Variants in PZP observed in about 807,000 individuals in gnomAD.
The protein encoded by PZP is pregnancy zone protein.
PZP carries 150 observed loss-of-function variants against 179.8 expected under a neutral mutation model. That is an observed-to-expected ratio of 0.83 (90% CI 0.73 to 0.96). PZP has a LOEUF of 0.96. PZP is among the 40% of genes least tolerant of loss of function. The pLI, the probability that PZP is intolerant of heterozygous loss-of-function variation, is 0.00. For missense variants in PZP, 1,689 were observed against 1,764.0 expected (o/e 0.96, Z 0.76); for synonymous variants, 624 against 652.3 (o/e 0.96, Z 0.66).
rs759204698 is a variant in PZP at position 9,193,877 on chromosome 12, GAAA to G, written c.1254+197_1254+199del. Among the ~76,000 whole-genome samples, 172 of 152,276 alleles carry G rather than the reference GAAA, an allele frequency of 1.1e-3. 4 individuals carry two copies. The East Asian group carries it at 0.021, about 19-fold the overall frequency. On this transcript the variant is annotated intron_variant, in intron 11 of 35. Coordinates refer to ENST00000261336, the MANE Select transcript of PZP (RefSeq NM_002864.3). ...ATAAAATGTTACAGATAATGATAGT[GAAA>G]TTATCAGGCACTTCTGCAGTGCCTT...
intron 1 of PZP, among the ~76,000 whole-genome samples, chr12:9,204,454 C>T (rs996800873): frequency 6.6e-6 from 1 of 152,134 alleles, no homozygotes; most frequent in African/African-American, 2.4e-5. Flanking sequence ...CTTCAGTAAG[C>T]ATATATCATT....
chr12:9,179,673 G>C (rs1942630936), intron 15 of PZP, among the ~76,000 whole-genome samples: 1 of 152,174 alleles, frequency 6.6e-6, no homozygotes, highest in African/African-American at 2.4e-5. Context: ...TTTGTAGCAA[G>C]CTTACCTACT....
intron 5 of PZP, 118 bp downstream of exon 5, chr12:9,201,209 G>A: frequency 7.5e-7 from 1 of 1,325,832 alleles, no homozygotes; most frequent in Non-Finnish European, 1.1e-6. Flanking sequence ...ACAACTGGGA[G>A]TAGGAGGAAT....
At chr12:9,206,414 G>C (rs747000684) in intron 1 of PZP, among the ~76,000 whole-genome samples, 2 of 152,064 alleles carry the variant, frequency 1.3e-5, no homozygotes, top group African/African-American at 4.8e-5. Flanking sequence ...AACAAATCCA[G>C]GTTGACAAAC....
At chr12:9,156,135 T>G in intron 28 of PZP, 1 of 219,884 alleles carries the variant, frequency 4.5e-6, no homozygotes. Flanking sequence ...GTTCTTTAAG[T>G]TTGTCTTTGA....
At chr12:9,193,781 A>G (rs1279711035) in intron 11 of PZP, among the ~76,000 whole-genome samples, 4 of 152,172 alleles carry the variant, frequency 2.6e-5, no homozygotes, top group African/African-American at 7.2e-5. Context: ...AACATAAAAC[A>G]AAGTACATGA....
chr12:9,162,439 C>A lies in PZP; in HGVS notation c.2788+158G>T, dbSNP rs754752347. On this transcript the variant is annotated intron_variant, in intron 22 of 35. Coordinates refer to ENST00000261336, the MANE Select transcript of PZP (RefSeq NM_002864.3). ...TAACTTGCTCTCTTGGGCTCAATGT[C>A]TTCATCTGTAAAACATACATAAAGA... 9 of 610,824 alleles carry A rather than the reference C, an allele frequency of 1.5e-5. No homozygotes were observed. The East Asian group carries it at 2.3e-4, about 16-fold the overall frequency. 37.8% of individuals were successfully genotyped at this position (610,824 alleles called of 1,614,324 possible). A position where few individuals can be genotyped will look rare whatever the true frequency, so the allele number is the denominator to read the frequency against.
intron 15 of PZP, among the ~76,000 whole-genome samples, chr12:9,180,164 AG>A (rs1189302156): frequency 6.6e-6 from 1 of 152,186 alleles, no homozygotes; most frequent in African/African-American, 2.4e-5. Flanking sequence ...TTTAAGTTTT[AG>A]GGTACATGTG....
At chr12:9,195,385 C>A (rs1287478178) in intron 10 of PZP, among the ~76,000 whole-genome samples, 1 of 151,768 alleles carries the variant, frequency 6.6e-6, no homozygotes, top group Non-Finnish European at 1.5e-5. Flanking sequence ...TTTCCCTTCC[C>A]CTTCCCCTGG....
chr12:9,157,508 G>A (rs1373525070), intron 27 of PZP, among the ~76,000 whole-genome samples, 153 bp from the exon 28 acceptor site: 2 of 152,130 alleles, frequency 1.3e-5, no homozygotes, highest in Admixed American at 6.5e-5. Context: ...AAAATATTTC[G>A]ATCTCTTCCC....
chr12:9,145,087 A>C (rs1325549252), downstream of PZP, among the ~76,000 whole-genome samples: 1 of 152,190 alleles, frequency 6.6e-6, no homozygotes, highest in Non-Finnish European at 1.5e-5. Flanking sequence ...AGTACCTTGT[A>C]TATAGAATAT....
chr12:9,186,517 A>G lies in PZP; in HGVS notation c.1547-4400T>C, dbSNP rs747022789. The stretch of plus-strand genomic sequence containing the variant: ...GCCGTCTTTAAGAGACCCATCTCAC[A>G]TGCAATGACACTGATAGGCTCGAGA... On this transcript the variant is annotated intron_variant, in intron 13 of 35. Transcript: ENST00000261336. Among the ~76,000 whole-genome samples, 14 of 152,324 alleles carry G rather than the reference A, an allele frequency of 9.2e-5. No individual in the cohort carries two copies. The South Asian group carries it at 2.5e-3, about 27-fold the overall frequency.
intron 30 of PZP, 49 bp downstream of exon 30, chr12:9,153,076 A>G (rs1428353455): frequency 1.9e-6 from 3 of 1,607,512 alleles, no homozygotes; most frequent in African/African-American, 1.3e-5. Flanking sequence ...TTCCATTTCA[A>G]TTGGCAAGTT....
chr12:9,169,173 T>C (rs781016242), intron 16 of PZP, among the ~76,000 whole-genome samples, 199 bp from the exon 17 acceptor site: 2 of 94,500 alleles, frequency 2.1e-5, no homozygotes, highest in South Asian at 5.0e-4. Context: ...TATTTTTTGG[T>C]TTGCAAATAA....
chr12:9,176,963 A>G (rs1303696342), intron 15 of PZP, among the ~76,000 whole-genome samples: 1 of 152,184 alleles, frequency 6.6e-6, no homozygotes, highest in South Asian at 2.1e-4. Context: ...AGCTGTTCCT[A>G]TTTTACAATG....
At chr12:9,164,722 C>G (rs1278699504) in intron 19 of PZP, among the ~76,000 whole-genome samples, 1 of 152,116 alleles carries the variant, frequency 6.6e-6, no homozygotes, top group Non-Finnish European at 1.5e-5. Context: ...TATATACAAC[C>G]ACTATTACAT....
chr12:9,176,313 G>C (rs1048147401), intron 15 of PZP, among the ~76,000 whole-genome samples: 2 of 152,174 alleles, frequency 1.3e-5, no homozygotes, highest in East Asian at 3.9e-4. Context: ...AGGGTGTGGG[G>C]AGGGAGAGCA....
Position 9,200,379 on chromosome 12 carries a change from A to G in PZP, c.740T>C (p.Ile247Thr). ...IISIMDEKVN[I>T]TVCGEYTYGK... ...TGTAACTCACTCTCCACAGACTGTT[A>G]TGTTCACTTTTTCATCCATGATACT... The change falls in exon 7 of 36, where the codon ATA (isoleucine) becomes ACA (threonine). Residue 247 changes from isoleucine to threonine, a missense_variant. Around this residue, in one of 3 missense-constraint regions of PZP, gnomAD observed 742 missense variants for 730.5 expected, o/e 1.02. Transcript: ENST00000261336. 3 of 1,606,890 alleles carry G rather than the reference A, an allele frequency of 1.9e-6. No individual in the cohort carries two copies. The highest frequency in any genetic ancestry group is 1.7e-5 in the Admixed American group (1 of 59,892).
chr12:9,206,337 T>C (rs1443136210), intron 1 of PZP, among the ~76,000 whole-genome samples: 1 of 152,044 alleles, frequency 6.6e-6, no homozygotes, highest in African/African-American at 2.4e-5. Context: ...TCCACATATA[T>C]TTGATATTCT....
Sources: allele counts gnomAD v4.1 joint callset (sites outside exome capture counted in the v4.1 genomes callset), GRCh38; gene constraint gnomAD v4.1.1; regional missense constraint gnomAD v4.1.1; transcripts MANE v1.5; gene names NCBI Gene and HGNC (gene_info 2026-07-23, HGNC 2026-07-21).